PAMR1: variants seen among roughly 807,000 people sequenced by gnomAD.
PAMR1 encodes the protein peptidase domain containing associated with muscle regeneration 1, also known as inactive serine protease PAMR1.
A neutral mutation model predicts 81.8 loss-of-function variants in PAMR1; 88 were observed. That is an observed-to-expected ratio of 1.08 (90% CI 0.91 to 1.28). The LOEUF (loss-of-function observed/expected upper bound fraction) is 1.28, where lower values mean the gene tolerates loss of function less well. Ranked by LOEUF, PAMR1 falls within the 50% of genes most tolerant of loss-of-function variation. The pLI, the probability that PAMR1 is intolerant of heterozygous loss-of-function variation, is 0.00. For synonymous variants in PAMR1, 336 were observed against 345.3 expected (o/e 0.97, Z 0.30); for missense variants, 935 against 919.7 (o/e 1.02, Z -0.21).
chr11:35,507,549 G>A (rs1025820017), intron 1 of PAMR1, among the ~76,000 whole-genome samples: 2 of 152,216 alleles, frequency 1.3e-5, no homozygotes, highest in Admixed American at 6.5e-5. Flanking sequence ...AGCAATCACT[G>A]AGATTCTCTA....
intron 1 of PAMR1, among the ~76,000 whole-genome samples, chr11:35,500,147 A>C (rs1259539397): frequency 6.6e-6 from 1 of 152,172 alleles, no homozygotes; most frequent in Non-Finnish European, 1.5e-5. Context: ...TTCATTTTAG[A>C]CTTCTGACCT....
chr11:35,513,957 T>C (rs990614196), intron 1 of PAMR1, among the ~76,000 whole-genome samples: 1 of 152,214 alleles, frequency 6.6e-6, no homozygotes, highest in African/African-American at 2.4e-5. Flanking sequence ...TGTAAAGCTG[T>C]ACTTTGCACT....
intron 3 of PAMR1, among the ~76,000 whole-genome samples, chr11:35,480,363 T>C (rs658383): frequency 0.022 from 3,407 of 152,306 alleles, 148 homozygotes; most frequent in African/African-American, 0.078. Flanking sequence ...AACACTCACA[T>C]GGAAATAGCC....
chr11:35,506,983 C>G (rs1209487251), intron 1 of PAMR1, among the ~76,000 whole-genome samples: 1 of 144,866 alleles, frequency 6.9e-6, no homozygotes, highest in African/African-American at 2.5e-5. Flanking sequence ...CTATATTGTA[C>G]AAATCATCTT....
At position 35,485,920 on chromosome 11, in the gene PAMR1, C is replaced by T. The variant is rs570539474; in HGVS notation, c.379+6125G>A. 3.9e-4 allele frequency among the ~76,000 whole-genome samples: 59 copies of T among 152,324 alleles called. No homozygotes were observed. In the South Asian group the frequency reaches 5.6e-3, roughly 14 times the overall value. ...AAATGCTTGCACTGCCATGGGGCTC[C>T]GGCGCTGTGTCCCAGCCATATGTAG... On this transcript the variant is annotated intron_variant, in intron 3 of 10. Transcript: ENST00000619888.
chr11:35,472,758 G>A (rs377354721), intron 4 of PAMR1, among the ~76,000 whole-genome samples: 16 of 152,160 alleles, frequency 1.1e-4, no homozygotes, highest in African/African-American at 2.2e-4. Flanking sequence ...TGACATGTTC[G>A]AGAAACTGAA....
At chr11:35,451,774 AG>A in intron 6 of PAMR1, 1 of 554,288 alleles carries the variant, frequency 1.8e-6, no homozygotes. Context: ...ATGAGGGTGG[AG>A]CCCTCATGAA....
intron 2 of PAMR1, 32 bp downstream of exon 2, chr11:35,494,064 A>G (rs748527516): frequency 1.3e-6 from 2 of 1,588,948 alleles, no homozygotes; most frequent in South Asian, 2.2e-5. Flanking sequence ...AACAACATGA[A>G]GGCAACCTGA....
chr11:35,504,534 T>C (rs1850913842), intron 1 of PAMR1, among the ~76,000 whole-genome samples: 1 of 150,718 alleles, frequency 6.6e-6, no homozygotes, highest in Non-Finnish European at 1.5e-5. Context: ...ATGGGAGACT[T>C]TTTATTACAG....
At chr11:35,459,950 AC>A (rs950053584) in intron 6 of PAMR1, among the ~76,000 whole-genome samples, 1 of 152,256 alleles carries the variant, frequency 6.6e-6, no homozygotes, top group Admixed American at 6.5e-5. Flanking sequence ...AGTATCTACT[AC>A]ATGGGAACAT....
intron 4 of PAMR1, 102 bp downstream of exon 4, chr11:35,474,528 A>C (rs1346290986): frequency 6.1e-6 from 4 of 651,554 alleles, no homozygotes; most frequent in East Asian, 2.9e-5. Flanking sequence ...GAAAGGCTCC[A>C]ATATACAAAG....
At chr11:35,476,952 C>T (rs151255766) in intron 3 of PAMR1, among the ~76,000 whole-genome samples, 6 of 152,244 alleles carry the variant, frequency 3.9e-5, no homozygotes, top group African/African-American at 1.4e-4. Context: ...TCTTCTGCAT[C>T]TCTTTCCTGT....
At chr11:35,488,241 G>C (rs1291557127) in intron 3 of PAMR1, among the ~76,000 whole-genome samples, 1 of 134,916 alleles carries the variant, frequency 7.4e-6, no homozygotes, top group Non-Finnish European at 1.5e-5. Flanking sequence ...ACAGAGATGA[G>C]GTCTTGCTCT....
chr11:35,485,617 A>G (rs899508244), intron 3 of PAMR1, among the ~76,000 whole-genome samples: 4 of 152,202 alleles, frequency 2.6e-5, no homozygotes, highest in African/African-American at 9.6e-5. Context: ...TCCATAATGA[A>G]TTTTAAGGTT....
intron 1 of PAMR1, among the ~76,000 whole-genome samples, chr11:35,522,400 C>T (rs1277638278): frequency 6.6e-6 from 1 of 152,180 alleles, no homozygotes; most frequent in Admixed American, 6.5e-5. Context: ...TACTTTCTGT[C>T]TACATGAATT....
intron 6 of PAMR1, among the ~76,000 whole-genome samples, chr11:35,463,095 C>T (rs552701754): frequency 2.6e-5 from 4 of 152,298 alleles, no homozygotes; most frequent in Non-Finnish European, 4.4e-5. Flanking sequence ...GGTCTCAGTA[C>T]GTTCTCACTG....
intron 6 of PAMR1, among the ~76,000 whole-genome samples, chr11:35,466,637 G>T (rs963537937): frequency 2.0e-5 from 3 of 148,086 alleles, no homozygotes; most frequent in African/African-American, 5.0e-5. Flanking sequence ...TGAGGCAGGA[G>T]AATGGCGTGA....
At chr11:35,471,422 T>G (rs1190396664) in intron 4 of PAMR1, among the ~76,000 whole-genome samples, 3 of 152,190 alleles carry the variant, frequency 2.0e-5, no homozygotes, top group Non-Finnish European at 2.9e-5. Flanking sequence ...AATATACGAC[T>G]GAATGGATAC....
In PAMR1 at chr11:35,432,497, C is replaced by T. The variant is rs368389376; in HGVS notation, c.2022G>A (p.Pro674=). Residue 674 remains proline (P), a synonymous_variant, in exon 11 of 11, where the codon CCG becomes CCA. Transcript: ENST00000619888. ...ETGGIAAVSF[P]GRASPEPRWH... ...AGCGTGGCTCAGGAGATGCTCGTCC[C>T]GGGAAGGACACAGCCGCGATGCCTC... is the stretch of plus-strand genomic sequence containing the variant. 124 of 1,614,102 alleles carry T rather than the reference C, an allele frequency of 7.7e-5. No individual in the cohort carries two copies. The highest frequency in any genetic ancestry group is 1.6e-4 in the Middle Eastern group (1 of 6,084).
Sources: gnomAD v4.1 joint callset for allele counts (sites outside exome capture counted in the v4.1 genomes callset) on GRCh38, gnomAD v4.1.1 for gene constraint, MANE v1.5 for transcripts, NCBI Gene and HGNC (gene_info 2026-07-23, HGNC 2026-07-21) for gene names.